RGS6: variants seen among roughly 807,000 people sequenced by gnomAD.
The protein encoded by RGS6 is regulator of G protein signaling 6.
A neutral mutation model predicts 78.5 loss-of-function variants in RGS6; 30 were observed. The ratio of observed to expected loss-of-function variants is 0.38; its 90% CI spans 0.29 to 0.52. RGS6 has a LOEUF of 0.52. RGS6 is among the 20% of genes least tolerant of loss of function. RGS6 has a pLI of 0.85. For missense variants in RGS6, 495 were observed against 609.7 expected, an observed-to-expected ratio of 0.81 and a Z score of 1.98; for synonymous variants, 206 against 206.0, an observed-to-expected ratio of 1.00 and a Z score of 0.00.
chr14:72,340,695 C>G (rs2076830727), intron 2 of RGS6, among the ~76,000 whole-genome samples: 1 of 152,216 alleles, frequency 6.6e-6, no homozygotes, highest in African/African-American at 2.4e-5. Flanking sequence ...ACTTCATTCT[C>G]ACCCTTCTTG....
At chr14:72,623,932 G>C in the RGS6 span, among the ~76,000 whole-genome samples, 1 of 152,094 alleles carries the variant, frequency 6.6e-6, no homozygotes, top group Admixed American at 6.5e-5. Flanking sequence ...TACAAAGTAA[G>C]GAAGCTATCA....
chr14:71,944,395 G>T (rs546113061), intron 1 of RGS6, among the ~76,000 whole-genome samples: 1 of 152,296 alleles, frequency 6.6e-6, no homozygotes, highest in African/African-American at 2.4e-5. Context: ...TTTAAACTCA[G>T]ATCTTTTCTG....
intron 2 of RGS6, among the ~76,000 whole-genome samples, chr14:72,169,110 C>G (rs1439633987): frequency 6.6e-6 from 1 of 152,146 alleles, no homozygotes; most frequent in African/African-American, 2.4e-5. Context: ...AGCTGTTATT[C>G]TTTGGGTGAA....
chr14:72,416,823 G>T (rs754678396), intron 3 of RGS6, among the ~76,000 whole-genome samples: 3 of 152,228 alleles, frequency 2.0e-5, no homozygotes, highest in African/African-American at 7.2e-5. Flanking sequence ...TCTGATGCCA[G>T]TTATGTGATT....
intron 2 of RGS6, among the ~76,000 whole-genome samples, chr14:72,179,684 T>C (rs1283722220): frequency 7.8e-6 from 1 of 128,310 alleles, no homozygotes; most frequent in Non-Finnish European, 1.6e-5. Flanking sequence ...TAACTTCATA[T>C]TTGAAGGGGG....
At chr14:72,438,242 G>T (rs1210163195) in intron 3 of RGS6, among the ~76,000 whole-genome samples, 4 of 152,118 alleles carry the variant, frequency 2.6e-5, no homozygotes, top group African/African-American at 9.7e-5. Context: ...CATGCCAGGG[G>T]TCCCTGTTGC....
chr14:72,522,583 C>T (rs1019310723), intron 15 of RGS6, among the ~76,000 whole-genome samples: 5 of 152,210 alleles, frequency 3.3e-5, no homozygotes, highest in Non-Finnish European at 5.9e-5. Context: ...AATGCAACAA[C>T]ATAGCAATGT....
intron 2 of RGS6, among the ~76,000 whole-genome samples, chr14:72,339,246 G>A (rs1358486440): frequency 3.0e-4 from 45 of 152,098 alleles, no homozygotes; most frequent in Non-Finnish European, 4.4e-5. Context: ...TTAGATTTGA[G>A]GAAGCCTGTT....
chr14:72,295,052 G>A (rs1339100953), intron 2 of RGS6, among the ~76,000 whole-genome samples: 2 of 152,074 alleles, frequency 1.3e-5, no homozygotes, highest in Admixed American at 1.3e-4. Context: ...AGCACTTTGG[G>A]AGGCCGAGGC....
At position 72,045,858 on chromosome 14, in the gene RGS6, A is replaced by G. The variant is rs114918139; in HGVS notation, c.84+80983A>G. 1.9e-3 allele frequency among the ~76,000 whole-genome samples: 285 copies of G among 152,112 alleles called. 1 individual carries two copies. Among genetic ancestry groups the G allele is most frequent in the African/African-American group, 6.6e-3 (273 of 41,488 alleles). ...CTTTATTTTTGAAACTCCTCTGGGC[A>G]TATTTCACAATAGTTACCATTAGGG... is the stretch of plus-strand genomic sequence containing the variant. On this transcript the variant is annotated intron_variant, in intron 2 of 17. Coordinates refer to ENST00000553525, the MANE Select transcript of RGS6 (RefSeq NM_001204424.2).
chr14:72,463,146 G>A (rs2095823196), intron 6 of RGS6, among the ~76,000 whole-genome samples: 1 of 152,242 alleles, frequency 6.6e-6, no homozygotes, highest in South Asian at 2.1e-4. Flanking sequence ...GGATTTCTCT[G>A]AGTGAGATGT....
At chr14:72,027,707 G>C (rs1457754487) in intron 2 of RGS6, among the ~76,000 whole-genome samples, 1 of 152,218 alleles carries the variant, frequency 6.6e-6, no homozygotes, top group Non-Finnish European at 1.5e-5. Flanking sequence ...GCCCAAGACA[G>C]AGTGGAGTTG....
chr14:72,279,186 A>G (rs1365835497), intron 2 of RGS6, among the ~76,000 whole-genome samples: 1 of 151,948 alleles, frequency 6.6e-6, no homozygotes, highest in African/African-American at 2.4e-5. Flanking sequence ...GCTGGAACCT[A>G]CAAGCAGAAG....
intron 2 of RGS6, among the ~76,000 whole-genome samples, chr14:72,344,320 T>C (rs2077577826): frequency 6.6e-6 from 1 of 152,238 alleles, no homozygotes; most frequent in African/African-American, 2.4e-5. Flanking sequence ...GCCCTGGTAC[T>C]GTCCCTGGGT....
At chr14:72,480,183 C>T (rs183795202) in intron 12 of RGS6, among the ~76,000 whole-genome samples, 8 of 152,250 alleles carry the variant, frequency 5.3e-5, no homozygotes, top group East Asian at 3.9e-4. Context: ...TTTCAGGATC[C>T]GGTGAAGCCA....
rs55854917 is a variant in RGS6, at chr14:72,465,598, A to G, written c.395-160A>G. ...GATGGATGGATGGATGGATGGATGG[A>G]TGGTTGGGTGGATGGGTGGATGGGT... On this transcript the variant is annotated intron_variant, in intron 6 of 17. Transcript: ENST00000553525. Among the ~76,000 whole-genome samples, 6,865 of 112,042 alleles carry G rather than the reference A, an allele frequency of 0.061. 116 individuals are homozygous for G. The highest frequency in any genetic ancestry group is 0.082 in the Middle Eastern group (18 of 220). 73.5% of individuals were successfully genotyped at this position (112,042 alleles called of 152,430 possible).
At chr14:72,562,355 C>G in intron 17 of RGS6, 62 bp from the exon 18 acceptor site, 1 of 1,535,166 alleles carries the variant, frequency 6.5e-7, no homozygotes, top group Non-Finnish European at 9.0e-7. Context: ...CTGTCTGGCT[C>G]TCTGTCTCTG....
intron 17 of RGS6, among the ~76,000 whole-genome samples, chr14:72,548,327 T>TTGTGTGTGTGTG (rs369257899): frequency 1.9e-4 from 28 of 147,264 alleles, no homozygotes; most frequent in South Asian, 4.4e-4. Flanking sequence ...CAGATCATAT[T>TTGTGTGTGTGTG]TGTGTGTGTG....
intron 2 of RGS6, among the ~76,000 whole-genome samples, chr14:71,975,467 C>CTTTT (rs111540663): frequency 6.9e-6 from 1 of 145,444 alleles, no homozygotes; most frequent in Non-Finnish European, 1.5e-5. Context: ...CTTGGGGATT[C>CTTTT]TTTTTTTTTT....
Sources: allele counts gnomAD v4.1 joint callset (sites outside exome capture counted in the v4.1 genomes callset), GRCh38; gene constraint gnomAD v4.1.1; transcripts MANE v1.5; gene names NCBI Gene and HGNC (gene_info 2026-07-23, HGNC 2026-07-21).